MYO6: variants seen among roughly 807,000 people sequenced by gnomAD.
MYO6 encodes the protein myosin VI.
A neutral mutation model predicts 178.7 loss-of-function variants in MYO6; 74 were observed. That is an observed-to-expected ratio of 0.41 (90% confidence interval 0.34 to 0.50). The LOEUF (loss-of-function observed/expected upper bound fraction) is 0.50. Among genes scored for constraint, MYO6 ranks in the 20% least tolerant of loss-of-function variants. The probability of loss-of-function intolerance (pLI) is 0.09; values close to 1 mark genes in which losing one functional copy is unlikely to be tolerated. For missense variants in MYO6, 1,330 were observed against 1,547.4 expected (o/e 0.86, Z 2.36); for synonymous variants, 477 against 504.6 (o/e 0.95, Z 0.73).
intron 13 of MYO6, among the ~76,000 whole-genome samples, chr6:75,857,677 A>G (rs1377919548): frequency 6.6e-6 from 1 of 152,210 alleles, no homozygotes; most frequent in Non-Finnish European, 1.5e-5. Flanking sequence ...TTACAGGCCA[A>G]CCTCATTACT....
At position 75,757,972 on chromosome 6, in the gene MYO6, C is replaced by CTTTTTT. The variant is rs71002761; in HGVS notation, c.-48+8567_-48+8572dup. On this transcript the variant is annotated intron_variant, in intron 1 of 34. Coordinates refer to ENST00000369977, the MANE Select transcript of MYO6 (RefSeq NM_004999.4). ...GATTTGGTTGGAATCTTGAAGTTGG[C>CTTTTTT]TTTTTTTTTTTTTTTTTTTTTTTGA... 1.1e-3 allele frequency among the ~76,000 whole-genome samples: 80 copies of CTTTTTT among 74,302 alleles called. 2 individuals are homozygous for CTTTTTT. Among genetic ancestry groups the CTTTTTT allele is most frequent in the Non-Finnish European group, 1.4e-3 (60 of 42,744 alleles). The allele number at this position is 74,302 out of a possible 152,430, so 48.7% of individuals were successfully genotyped here. A position where few individuals can be genotyped will look rare whatever the true frequency, so the allele number is the denominator to read the frequency against.
intron 33 of MYO6, among the ~76,000 whole-genome samples, chr6:75,913,391 G>T (rs1163167368): frequency 6.6e-6 from 1 of 152,054 alleles, no homozygotes; most frequent in Admixed American, 6.5e-5. Flanking sequence ...CACTTCATTG[G>T]ATTTTATTCT....
intron 1 of MYO6, among the ~76,000 whole-genome samples, chr6:75,809,184 A>G (rs1770419390): frequency 1.3e-5 from 2 of 152,360 alleles, no homozygotes; most frequent in African/African-American, 4.8e-5. Context: ...GTTTAGGAAT[A>G]AAATGGGAGG....
At chr6:75,853,339 G>A (rs1326622239) in intron 11 of MYO6, among the ~76,000 whole-genome samples, 1 of 152,036 alleles carries the variant, frequency 6.6e-6, no homozygotes, top group African/African-American at 2.4e-5. Context: ...TTATTTCAGT[G>A]AAGCCTAATT....
At chr6:75,804,851 T>C (rs887894709) in intron 1 of MYO6, among the ~76,000 whole-genome samples, 2 of 147,454 alleles carry the variant, frequency 1.4e-5, no homozygotes, top group African/African-American at 5.2e-5. Context: ...CTAACATATA[T>C]ATACACATAT....
At chr6:75,913,296 G>A (rs1264190645) in intron 33 of MYO6, among the ~76,000 whole-genome samples, 2 of 152,146 alleles carry the variant, frequency 1.3e-5, no homozygotes, top group Non-Finnish European at 2.9e-5. Context: ...ATGAAAGATT[G>A]ATATGAATGA....
At chr6:75,848,068 C>T (rs1274201933) in intron 10 of MYO6, among the ~76,000 whole-genome samples, 7 of 151,858 alleles carry the variant, frequency 4.6e-5, no homozygotes, top group East Asian at 1.9e-4. Flanking sequence ...GACTTTAGAG[C>T]GAAAATTGTA....
intron 23 of MYO6, among the ~76,000 whole-genome samples, chr6:75,883,147 G>C (rs1778175072): frequency 6.6e-6 from 1 of 151,104 alleles, no homozygotes; most frequent in Non-Finnish European, 1.5e-5. Flanking sequence ...AGTTAAATTT[G>C]CAAAAAATGA....
chr6:75,761,080 ATTAG>A (rs1225213357), intron 1 of MYO6, among the ~76,000 whole-genome samples: 1 of 152,164 alleles, frequency 6.6e-6, no homozygotes, highest in Non-Finnish European at 1.5e-5. Flanking sequence ...AGAAGAATGT[ATTAG>A]TTTCTCTGCT....
chr6:75,836,872 C>T (rs117664836), intron 7 of MYO6, among the ~76,000 whole-genome samples: 4 of 152,084 alleles, frequency 2.6e-5, no homozygotes, highest in Admixed American at 1.3e-4. Context: ...GGTGAGCCAC[C>T]GCGCCCAGCT....
chr6:75,849,693 T>G (rs1200896162), intron 11 of MYO6, among the ~76,000 whole-genome samples: 7 of 152,162 alleles, frequency 4.6e-5, no homozygotes, highest in Non-Finnish European at 8.8e-5. Flanking sequence ...CAGAGTTAGA[T>G]TATGCAGTTT....
At chr6:75,873,769 G>A (rs1046462743) in intron 20 of MYO6, among the ~76,000 whole-genome samples, 3 of 152,102 alleles carry the variant, frequency 2.0e-5, no homozygotes, top group Non-Finnish European at 4.4e-5. Flanking sequence ...CAGAAGGTAG[G>A]TTTTGTTGTC....
At chr6:75,787,730 C>CTA (rs1172801367) in intron 1 of MYO6, among the ~76,000 whole-genome samples, 145 of 11,646 alleles carry the variant, frequency 0.012, 5 homozygotes, top group Middle Eastern at 0.083. Context: ...CTCTCTCTCT[C>CTA]TATATATATA....
At chr6:75,777,385 A>T (rs1176527737) in intron 1 of MYO6, among the ~76,000 whole-genome samples, 2 of 151,976 alleles carry the variant, frequency 1.3e-5, no homozygotes, top group African/African-American at 2.4e-5. Flanking sequence ...AGATTTTTTT[A>T]AAAAGTTGAG....
intron 3 of MYO6, among the ~76,000 whole-genome samples, chr6:75,823,208 G>T (rs771214377): frequency 3.5e-4 from 53 of 152,290 alleles, no homozygotes; most frequent in Middle Eastern, 6.8e-3. Context: ...TAATTTGGAA[G>T]TTGAGTCAGT....
At chr6:75,782,092 A>G (rs758648607) in intron 1 of MYO6, among the ~76,000 whole-genome samples, 2 of 152,070 alleles carry the variant, frequency 1.3e-5, no homozygotes, top group Non-Finnish European at 2.9e-5. Flanking sequence ...TGGGCAGGAA[A>G]TTGAGATGAC....
intron 1 of MYO6, among the ~76,000 whole-genome samples, chr6:75,756,997 C>G (rs956077027): frequency 7.7e-6 from 1 of 129,634 alleles, no homozygotes; most frequent in African/African-American, 2.9e-5. Flanking sequence ...TGTATACACA[C>G]ATATATAGTG....
intron 10 of MYO6, among the ~76,000 whole-genome samples, chr6:75,846,628 C>G (rs1338794422): frequency 6.6e-6 from 1 of 151,972 alleles, no homozygotes; most frequent in African/African-American, 2.4e-5. Context: ...CTTTCTTTGT[C>G]TTGATAAGAC....
rs1778401661 is a variant in MYO6, at chr6:75,885,947, A to G, written c.2417-57A>G. The G allele has an allele frequency of 1.3e-5, 13 of 1,022,028 alleles. No individual in the cohort carries two copies. The South Asian group carries it at 1.9e-4, about 15-fold the overall frequency. 63.3% of individuals were successfully genotyped at this position (1,022,028 alleles called of 1,614,324 possible). On this transcript the variant is annotated intron_variant, in intron 23 of 34. Coordinates refer to ENST00000369977, the MANE Select transcript of MYO6 (RefSeq NM_004999.4). ...CTTTGTGAAAATGAGTTTTTTTAAT[A>G]TATGTTAGATTTAAACTGAATAATT...
Sources: gnomAD v4.1 joint callset for allele counts (sites outside exome capture counted in the v4.1 genomes callset) on GRCh38, gnomAD v4.1.1 for gene constraint, MANE v1.5 for transcripts, NCBI Gene and HGNC (gene_info 2026-07-23, HGNC 2026-07-21) for gene names.